Variants in PRKG2 observed in about 807,000 individuals in gnomAD.
The protein encoded by PRKG2 is cGMP-dependent protein kinase 2.
PRKG2 carries 33 observed loss-of-function variants against 97.2 expected under a neutral mutation model. That is an observed-to-expected ratio of 0.34 (90% CI 0.26 to 0.45). The LOEUF (loss-of-function observed/expected upper bound fraction) is 0.45, where lower values mean the gene tolerates loss of function less well. PRKG2 is among the 20% of genes least tolerant of loss of function. PRKG2 has a pLI of 1.00. For missense variants in PRKG2, 638 were observed against 900.0 expected, an observed-to-expected ratio of 0.71 and a Z score of 3.73; for synonymous variants, 330 against 321.8, an observed-to-expected ratio of 1.03 and a Z score of -0.27.
intron 2 of PRKG2, among the ~76,000 whole-genome samples, chr4:81,186,884 A>T (rs1751930667): frequency 6.6e-6 from 1 of 152,176 alleles, no homozygotes; most frequent in Non-Finnish European, 1.5e-5. Context: ...GAAGAAATGG[A>T]TAAATACCTG....
chr4:81,205,089 A>G, intron 1 of PRKG2, 29 bp from the exon 2 acceptor site: 1 of 1,447,620 alleles, frequency 6.9e-7, no homozygotes, highest in African/African-American at 1.4e-5. Flanking sequence ...GGGAAGTATC[A>G]AGTGGAGTTT....
intron 2 of PRKG2, among the ~76,000 whole-genome samples, chr4:81,183,687 G>C (rs1166344251): frequency 6.6e-6 from 1 of 152,028 alleles, no homozygotes; most frequent in Non-Finnish European, 1.5e-5. Flanking sequence ...AGGGAGCCAA[G>C]CAGTCTAGCT....
At chr4:81,090,866 T>G (rs1741463760) in intron 18 of PRKG2, among the ~76,000 whole-genome samples, 1 of 152,226 alleles carries the variant, frequency 6.6e-6, no homozygotes, top group Non-Finnish European at 1.5e-5. Context: ...GATCCCATTC[T>G]TCTAATAAAT....
rs1747598345 is a variant in PRKG2, at chr4:81,144,405, A to G, written c.1155-75T>C. 10 of 1,175,250 alleles carry G rather than the reference A, an allele frequency of 8.5e-6. No homozygotes were observed. In the South Asian group the frequency reaches 1.3e-4, roughly 15 times the overall value. The allele number at this position is 1,175,250 out of a possible 1,614,324, so 72.8% of individuals were successfully genotyped here. A position where few individuals can be genotyped will look rare whatever the true frequency, so the allele number is the denominator to read the frequency against. ...CAACTTGACATTCTTCTAAGCTCATAAAACACAAGCTGGTTATTCCTGACT... is the reference window on the plus strand; with the variant it reads ...CAACTTGACATTCTTCTAAGCTCATGAAACACAAGCTGGTTATTCCTGACT... On this transcript the variant is annotated intron_variant, in intron 9 of 18. Coordinates refer to ENST00000264399, the MANE Select transcript of PRKG2 (RefSeq NM_006259.3).
chr4:81,185,338 A>C (rs1466687492), intron 2 of PRKG2, among the ~76,000 whole-genome samples: 1 of 151,744 alleles, frequency 6.6e-6, no homozygotes, highest in Non-Finnish European at 1.5e-5. Flanking sequence ...TTCTTAAAGA[A>C]AAGAATTTTC....
intron 10 of PRKG2, among the ~76,000 whole-genome samples, chr4:81,143,700 T>C (rs1041393173): frequency 1.3e-5 from 2 of 152,162 alleles, no homozygotes; most frequent in African/African-American, 4.8e-5. Context: ...CTAGTGAACA[T>C]GTGCTTAAGC....
rs189970690 is a variant in PRKG2 at position 81,132,358 on chromosome 4, T to C, written c.1776+2797A>G. Among the ~76,000 whole-genome samples the C allele has an allele frequency of 1.9e-3, 286 of 152,306 alleles. 1 individual carries two copies. Among genetic ancestry groups the C allele is most frequent in the African/African-American group, 6.5e-3 (269 of 41,584 alleles). On this transcript the variant is annotated intron_variant, in intron 14 of 18. Coordinates refer to ENST00000264399, the MANE Select transcript of PRKG2 (RefSeq NM_006259.3). ...AATAAAAATAGGTAACTTCTTCCTTTATAATATTTAGGGGTTTCATTTATC... is the reference window on the plus strand; with the variant it reads ...AATAAAAATAGGTAACTTCTTCCTTCATAATATTTAGGGGTTTCATTTATC...
At chr4:81,165,434 C>T (rs1054897727) in intron 6 of PRKG2, among the ~76,000 whole-genome samples, 2 of 152,058 alleles carry the variant, frequency 1.3e-5, no homozygotes, top group Non-Finnish European at 2.9e-5. Context: ...GACAGCTGGT[C>T]CTAGAACTCT....
At chr4:81,110,754 G>GAT in intron 14 of PRKG2, 143 bp from the exon 15 acceptor site, 1 of 610,572 alleles carries the variant, frequency 1.6e-6, no homozygotes, top group Non-Finnish European at 2.5e-6. Flanking sequence ...CACACAAAGA[G>GAT]AGAGAGAGAG....
rs577248170 is a variant in PRKG2, at chr4:81,204,701, T to C, written c.347A>G (p.His116Arg). ...GCCAGCCTTTGCTCCCCTCCTGCTA[T>C]GGAGAGAGACCAATCCAGAGGTCTT... The part of the protein sequence containing the change: ...HRKTSGLVSL[H>R]SRRGAKAGVS... The change falls in exon 2 of 19, where the codon CAT becomes CGT. Residue 116 changes from histidine (H) to arginine (R), a missense_variant. Physicochemically the swap from His to Arg is conservative, Grantham distance 29 (BLOSUM62 0). This residue lies in a region of PRKG2 where 332 missense variants were observed against 421.7 expected (regional missense o/e 0.79). Coordinates refer to ENST00000264399, the MANE Select transcript of PRKG2 (RefSeq NM_006259.3). 13 of 1,614,218 alleles carry C rather than the reference T, an allele frequency of 8.1e-6. No homozygotes were observed. In the East Asian group the frequency reaches 1.6e-4, roughly 19 times the overall value.
chr4:81,110,870 A>C (rs1170542896), intron 14 of PRKG2, among the ~76,000 whole-genome samples: 1 of 150,990 alleles, frequency 6.6e-6, no homozygotes, highest in Non-Finnish European at 1.5e-5. Flanking sequence ...TTCCATGCAC[A>C]TACCTCTCTG....
In PRKG2 at chr4:81,124,244, C is replaced by A. The variant is rs548462234; in HGVS notation, c.1776+10911G>T. Among the ~76,000 whole-genome samples, 59 of 152,278 alleles carry A rather than the reference C, an allele frequency of 3.9e-4. 3 individuals carry two copies. In the South Asian group the frequency reaches 0.01, roughly 27 times the overall value. ...AACTTTAAATTCTACTGCATTCTAG[C>A]TTCTATTGTTGCTGTTGAGGTGTCA... On this transcript the variant is annotated intron_variant, in intron 14 of 18. Transcript: ENST00000264399.
Position 81,201,163 on chromosome 4 carries a change from A to G in PRKG2, c.461+3424T>C, listed in dbSNP as rs145549438. ...CCATTAGAACTGCAGTATTCAGTAGAGTAGGCAATAGACATGTGACTATTC... is the reference window on the plus strand; with the variant it reads ...CCATTAGAACTGCAGTATTCAGTAGGGTAGGCAATAGACATGTGACTATTC... On this transcript the variant is annotated intron_variant, in intron 2 of 18. Coordinates refer to ENST00000264399, the MANE Select transcript of PRKG2 (RefSeq NM_006259.3). Among the ~76,000 whole-genome samples the G allele has an allele frequency of 3.7e-3, 567 of 152,362 alleles. 1 individual carries two copies. The highest frequency in any genetic ancestry group is 6.1e-3 in the Non-Finnish European group (414 of 68,024).
chr4:81,201,270 G>A (rs1429328476), intron 2 of PRKG2, among the ~76,000 whole-genome samples: 2 of 152,168 alleles, frequency 1.3e-5, no homozygotes, highest in Non-Finnish European at 2.9e-5. Context: ...CAGTTTCTTA[G>A]TGGCACTAGC....
Position 81,167,103 on chromosome 4 carries a change from T to C in PRKG2, c.912+58A>G. ...TTTTATTTATTTATGGTGTTAATAA[T>C]ATAAGTACATTCTAATATCTTCTAA... On this transcript the variant is annotated intron_variant, in intron 6 of 18. Transcript: ENST00000264399. 10 of 1,157,480 alleles carry C rather than the reference T, an allele frequency of 8.6e-6. 1 individual carries two copies. The South Asian group carries it at 1.3e-4, about 15-fold the overall frequency. The allele number at this position is 1,157,480 out of a possible 1,614,324, so 71.7% of individuals were successfully genotyped here.
chr4:81,112,189 T>C (rs1744060428), intron 14 of PRKG2, among the ~76,000 whole-genome samples: 1 of 152,184 alleles, frequency 6.6e-6, no homozygotes, highest in Admixed American at 6.5e-5. Flanking sequence ...AAAAAGGAAT[T>C]TAAACAATCT....
intron 14 of PRKG2, among the ~76,000 whole-genome samples, chr4:81,111,183 G>A (rs11939393): frequency 0.039 from 5,937 of 152,146 alleles, 414 homozygotes; most frequent in African/African-American, 0.14. Context: ...TTTGGCAGTC[G>A]AAAGCAAAGT....
chr4:81,196,763 AAAAG>A (rs919112721), intron 2 of PRKG2, among the ~76,000 whole-genome samples: 11 of 151,888 alleles, frequency 7.2e-5, no homozygotes, highest in African/African-American at 1.4e-4. Flanking sequence ...TAGATCTCAA[AAAAG>A]AAAGAAAGAA....
In PRKG2 at chr4:81,174,806, G is replaced by A; in HGVS notation, c.615C>T (p.Ile205=). ...TGTGAAACCCACCTGCCAGCACAAA[G>A]ATATGGTTTCCTGGTTCTCCTTGCT... ...IIKQGEPGNH[I]FVLAEGRLEV... Residue 205 remains isoleucine (I), a synonymous_variant, in exon 3 of 19, where the codon ATC becomes ATT. Transcript: ENST00000264399. 6.2e-7 allele frequency: 1 copy of A among 1,611,346 alleles called. No homozygotes were observed.
Sources: allele counts gnomAD v4.1 joint callset (sites outside exome capture counted in the v4.1 genomes callset), GRCh38; gene constraint gnomAD v4.1.1; regional missense constraint gnomAD v4.1.1; transcripts MANE v1.5; gene names NCBI Gene and HGNC (gene_info 2026-07-23, HGNC 2026-07-21).